RIMS2: variants seen among roughly 807,000 people sequenced by gnomAD.
The protein encoded by RIMS2 is regulating synaptic membrane exocytosis 2.
RIMS2 carries 59 observed loss-of-function variants against 174.4 expected under a neutral mutation model. The ratio of observed to expected loss-of-function variants is 0.34; its 90% CI spans 0.27 to 0.42. The LOEUF is 0.42. Ranked by LOEUF, RIMS2 falls within the 10% of genes least tolerant of loss-of-function variation. RIMS2 has a pLI of 1.00. For synonymous variants in RIMS2, 606 were observed against 572.5 expected (o/e 1.06, Z -0.84); for missense variants, 1,620 against 1,666.3 (o/e 0.97, Z 0.48).
At position 104,173,284 on chromosome 8, in the gene RIMS2, A is replaced by G. The variant is rs2098842609; in HGVS notation, c.3335-71632A>G. ...ACTTAATTCAGAATGCTATTGGAAG[A>G]CTCTTGTTTCATACCTGTTACCTAG... On this transcript the variant is annotated intron_variant, in intron 19 of 23. Coordinates refer to ENST00000504942, the Ensembl canonical transcript of RIMS2. 3.3e-5 allele frequency among the ~76,000 whole-genome samples: 5 copies of G among 151,854 alleles called. No homozygotes were observed. The South Asian group carries it at 1.0e-3, about 32-fold the overall frequency.
chr8:103,502,726 G>A (rs1820943630), intron 1 of RIMS2, among the ~76,000 whole-genome samples: 2 of 152,010 alleles, frequency 1.3e-5, no homozygotes, highest in South Asian at 4.2e-4. Context: ...TACTATAATT[G>A]ATAAAAATCA....
chr8:103,737,340 T>A (rs141754085), intron 2 of RIMS2, among the ~76,000 whole-genome samples: 1 of 151,722 alleles, frequency 6.6e-6, no homozygotes, highest in South Asian at 2.1e-4. Context: ...CATGCCACCA[T>A]GTCTGGCTAA....
In RIMS2 at chr8:104,251,596, C is replaced by T; in HGVS notation, c.3832-6C>T. 6.5e-7 allele frequency: 1 copy of T among 1,541,306 alleles called. No homozygotes were observed. The highest frequency in any genetic ancestry group is 2.2e-5 in the East Asian group (1 of 44,506). On this transcript the variant is annotated splice_region_variant and splice_polypyrimidine_tract_variant and intron_variant, in intron 23 of 23. Transcript: ENST00000504942. ...GACATCACTCTACTTTTTATTTTGCCAACAGATCATCGTCTGGGGAGATTA... is the reference window on the plus strand; with the variant it reads ...GACATCACTCTACTTTTTATTTTGCTAACAGATCATCGTCTGGGGAGATTA...
intron 1 of RIMS2, among the ~76,000 whole-genome samples, chr8:103,679,012 T>C (rs2096848025): frequency 6.6e-6 from 1 of 151,934 alleles, no homozygotes; most frequent in Admixed American, 6.6e-5. Flanking sequence ...TTAATAAAAG[T>C]CCCTCTAGGA....
chr8:103,682,431 C>G (rs2096891402), intron 1 of RIMS2, among the ~76,000 whole-genome samples: 2 of 152,066 alleles, frequency 1.3e-5, no homozygotes, highest in African/African-American at 4.8e-5. Flanking sequence ...AAATATTGTT[C>G]AGAACTGAAG....
chr8:104,109,903 TGCC>T (rs2131656910), intron 19 of RIMS2, among the ~76,000 whole-genome samples: 1 of 152,302 alleles, frequency 6.6e-6, no homozygotes, highest in Non-Finnish European at 1.5e-5. Flanking sequence ...TTTCTTAAAT[TGCC>T]TTCATTTTAT....
intron 1 of RIMS2, among the ~76,000 whole-genome samples, chr8:103,625,317 C>G (rs1050671264): frequency 3.3e-5 from 5 of 152,020 alleles, no homozygotes; most frequent in African/African-American, 1.2e-4. Flanking sequence ...AAGGTAGATA[C>G]TAAGACTTAA....
intron 2 of RIMS2, among the ~76,000 whole-genome samples, chr8:103,700,834 A>C (rs1341332940): frequency 2.0e-5 from 3 of 152,050 alleles, no homozygotes; most frequent in Admixed American, 6.6e-5. Context: ...ATACATATTT[A>C]AATTATTGTT....
chr8:104,049,028 C>A (rs2096739902), intron 19 of RIMS2, among the ~76,000 whole-genome samples: 2 of 151,044 alleles, frequency 1.3e-5, no homozygotes, highest in Admixed American at 1.3e-4. Context: ...GAGAAAATTT[C>A]TTTTAATAGT....
intron 19 of RIMS2, among the ~76,000 whole-genome samples, chr8:104,025,607 T>C (rs1039537417): frequency 6.6e-6 from 1 of 152,202 alleles, no homozygotes; most frequent in Non-Finnish European, 1.5e-5. Context: ...AATGTCTTGC[T>C]ATAATTTTGT....
At chr8:104,093,602 G>A in intron 19 of RIMS2, 1 of 1,597,482 alleles carries the variant, frequency 6.3e-7, no homozygotes, top group Non-Finnish European at 8.5e-7. Flanking sequence ...CAAGCTACAT[G>A]TCTGTCCAAT....
intron 1 of RIMS2, among the ~76,000 whole-genome samples, chr8:103,567,976 T>A (rs1015997756): frequency 3.3e-5 from 5 of 152,186 alleles, no homozygotes; most frequent in Admixed American, 3.3e-4. Flanking sequence ...AAATATATAT[T>A]CAAATCCTTG....
intron 19 of RIMS2, among the ~76,000 whole-genome samples, chr8:104,210,568 T>C (rs961522222): frequency 7.2e-5 from 11 of 152,210 alleles, no homozygotes; most frequent in Non-Finnish European, 1.5e-4. Flanking sequence ...GATCTCTACA[T>C]ACACATATCT....
intron 19 of RIMS2, among the ~76,000 whole-genome samples, chr8:104,101,175 G>A (rs2097890810): frequency 6.8e-6 from 1 of 146,850 alleles, no homozygotes; most frequent in South Asian, 2.2e-4. Flanking sequence ...TGCCCATGCT[G>A]GAGTGCAGTG....
At chr8:103,694,555 C>T (rs2097074309) in intron 1 of RIMS2, among the ~76,000 whole-genome samples, 1 of 152,018 alleles carries the variant, frequency 6.6e-6, no homozygotes, top group Non-Finnish European at 1.5e-5. Flanking sequence ...CTGGAGGTTC[C>T]ATATAGACCT....
intron 1 of RIMS2, among the ~76,000 whole-genome samples, chr8:103,680,579 TA>T (rs2096867879): frequency 6.6e-6 from 1 of 152,032 alleles, no homozygotes; most frequent in Admixed American, 6.6e-5. Flanking sequence ...GATTTCTGTT[TA>T]GCAAAATTAA....
At chr8:103,597,193 A>G (rs1249175571) in intron 1 of RIMS2, among the ~76,000 whole-genome samples, 4 of 152,210 alleles carry the variant, frequency 2.6e-5, no homozygotes, top group Non-Finnish European at 5.9e-5. Flanking sequence ...TTAATAGAGC[A>G]TAATAGATAA....
At chr8:103,627,701 T>G (rs1449870184) in intron 1 of RIMS2, among the ~76,000 whole-genome samples, 3 of 152,154 alleles carry the variant, frequency 2.0e-5, no homozygotes, top group Admixed American at 2.0e-4. Context: ...CCTTTAAGAG[T>G]TCATCAAGAA....
chr8:103,633,219 G>A (rs1330510079), intron 1 of RIMS2, among the ~76,000 whole-genome samples: 1 of 119,942 alleles, frequency 8.3e-6, no homozygotes. Context: ...GTATTTTTTT[G>A]TATTTTTAGT....
Sources: gnomAD v4.1 joint callset for allele counts (sites outside exome capture counted in the v4.1 genomes callset) on GRCh38, gnomAD v4.1.1 for gene constraint, MANE v1.5 for transcripts, NCBI Gene and HGNC (gene_info 2026-07-23, HGNC 2026-07-21) for gene names.